The following LHFPL3 variants were observed in gnomAD, a reference collection of about 807,000 sequenced individuals.
LHFPL3 encodes LHFPL tetraspan subfamily member 3 protein.
A neutral mutation model predicts 19.3 loss-of-function variants in LHFPL3; 5 were observed. That is an observed-to-expected ratio of 0.26 (90% CI 0.14 to 0.54). The LOEUF is 0.54. Ranked by LOEUF, LHFPL3 falls within the 20% of genes least tolerant of loss-of-function variation. The pLI is 0.94. For missense variants in LHFPL3, 249 were observed against 307.4 expected, an observed-to-expected ratio of 0.81 and a Z score of 1.42; for synonymous variants, 133 against 126.2, an observed-to-expected ratio of 1.05 and a Z score of -0.36.
At chr7:104,379,337 G>C (rs1250903883) in intron 1 of LHFPL3, among the ~76,000 whole-genome samples, 2 of 152,178 alleles carry the variant, frequency 1.3e-5, no homozygotes, top group East Asian at 3.9e-4. Context: ...GCACAGATCA[G>C]CCTGAGCCAG....
chr7:104,683,811 G>T (rs998097813), intron 1 of LHFPL3, among the ~76,000 whole-genome samples: 1 of 152,156 alleles, frequency 6.6e-6, no homozygotes, highest in Non-Finnish European at 1.5e-5. Flanking sequence ...ATTGACATTT[G>T]TACAATATTT....
chr7:104,868,660 T>C (rs1421313307), intron 2 of LHFPL3, among the ~76,000 whole-genome samples: 1 of 152,126 alleles, frequency 6.6e-6, no homozygotes, highest in Non-Finnish European at 1.5e-5. Flanking sequence ...CCAAGGTAAT[T>C]TATAGATTCA....
At position 104,418,180 on chromosome 7, in the gene LHFPL3, C is replaced by T. The variant is rs117222498; in HGVS notation, c.445+88956C>T. ...TGTGAGCCATGGCACCCGGCTGTTA[C>T]TGGCATTTTCTATTGTTGTTCTTAA... On this transcript the variant is annotated intron_variant, in intron 1 of 2. Coordinates refer to ENST00000424859, the MANE Select transcript of LHFPL3 (RefSeq NM_199000.3). Among the ~76,000 whole-genome samples the T allele has an allele frequency of 8.6e-3, 1,314 of 152,218 alleles. 77 individuals carry two copies. In the East Asian group the frequency reaches 0.16, roughly 19 times the overall value.
intron 1 of LHFPL3, among the ~76,000 whole-genome samples, chr7:104,340,520 C>G (rs2116365110): frequency 6.6e-6 from 1 of 152,238 alleles, no homozygotes; most frequent in East Asian, 1.9e-4. Context: ...ACTATTCCTA[C>G]TACTACTAAA....
chr7:104,488,722 G>A (rs181374061), intron 1 of LHFPL3, among the ~76,000 whole-genome samples: 1 of 152,320 alleles, frequency 6.6e-6, no homozygotes, highest in Admixed American at 6.5e-5. Flanking sequence ...CAGACTGCAA[G>A]CGTAGTTGAG....
intron 1 of LHFPL3, among the ~76,000 whole-genome samples, chr7:104,624,169 A>G (rs1013654702): frequency 2.0e-5 from 3 of 152,200 alleles, no homozygotes; most frequent in African/African-American, 7.2e-5. Flanking sequence ...CTGCTGGATC[A>G]CTTCTAATTT....
At chr7:104,688,588 C>T (rs1196657730) in intron 1 of LHFPL3, among the ~76,000 whole-genome samples, 2 of 152,104 alleles carry the variant, frequency 1.3e-5, no homozygotes, top group African/African-American at 4.8e-5. Flanking sequence ...TGGCAATATC[C>T]CTTCCCCACC....
intron 1 of LHFPL3, among the ~76,000 whole-genome samples, chr7:104,362,276 G>A (rs1790401202): frequency 6.6e-6 from 1 of 152,168 alleles, no homozygotes; most frequent in Admixed American, 6.5e-5. Flanking sequence ...GGCTCTATCT[G>A]CTGGGGACCC....
intron 1 of LHFPL3, among the ~76,000 whole-genome samples, chr7:104,338,243 C>T (rs535977492): frequency 2.6e-5 from 4 of 151,810 alleles, no homozygotes; most frequent in Middle Eastern, 6.8e-3. Flanking sequence ...GGACTACAGG[C>T]GCCCGCCACC....
At chr7:104,351,466 T>C (rs1254783725) in intron 1 of LHFPL3, among the ~76,000 whole-genome samples, 1 of 152,146 alleles carries the variant, frequency 6.6e-6, no homozygotes, top group Non-Finnish European at 1.5e-5. Context: ...GTTTGAAAAG[T>C]TTTTCTACTT....
At chr7:104,617,514 C>T (rs1419196464) in intron 1 of LHFPL3, among the ~76,000 whole-genome samples, 2 of 152,142 alleles carry the variant, frequency 1.3e-5, no homozygotes, top group Non-Finnish European at 2.9e-5. Flanking sequence ...CGCTAGATGA[C>T]TTATATTTAC....
intron 1 of LHFPL3, among the ~76,000 whole-genome samples, chr7:104,617,358 A>T (rs930616568): frequency 6.6e-6 from 1 of 152,160 alleles, no homozygotes; most frequent in African/African-American, 2.4e-5. Context: ...CACAAGATAA[A>T]GTCTTTCATA....
chr7:104,772,344 T>G (rs1794568568), intron 2 of LHFPL3, among the ~76,000 whole-genome samples: 1 of 152,210 alleles, frequency 6.6e-6, no homozygotes, highest in African/African-American at 2.4e-5. Flanking sequence ...GCTCAGTGAT[T>G]ATTAGAACCC....
At chr7:104,480,356 A>G (rs1281899213) in intron 1 of LHFPL3, among the ~76,000 whole-genome samples, 1 of 152,102 alleles carries the variant, frequency 6.6e-6, no homozygotes, top group Non-Finnish European at 1.5e-5. Flanking sequence ...CCAGATTTCC[A>G]GAAGACAGAA....
At chr7:104,633,516 C>T (rs1314952125) in intron 1 of LHFPL3, among the ~76,000 whole-genome samples, 1 of 152,176 alleles carries the variant, frequency 6.6e-6, no homozygotes, top group African/African-American at 2.4e-5. Context: ...CTGAATGTTA[C>T]AGCCATAATG....
chr7:104,553,399 C>T (rs1186433229), intron 1 of LHFPL3, among the ~76,000 whole-genome samples: 1 of 152,142 alleles, frequency 6.6e-6, no homozygotes, highest in East Asian at 1.9e-4. Flanking sequence ...AAGAGTCTAA[C>T]ATCCTCAACC....
At chr7:104,628,133 G>A (rs1256486076) in intron 1 of LHFPL3, among the ~76,000 whole-genome samples, 1 of 152,110 alleles carries the variant, frequency 6.6e-6, no homozygotes, top group African/African-American at 2.4e-5. Flanking sequence ...TGAGGTATGT[G>A]GCAATGACAG....
intron 1 of LHFPL3, among the ~76,000 whole-genome samples, chr7:104,707,969 A>C (rs144278142): frequency 9.2e-5 from 14 of 152,258 alleles, no homozygotes; most frequent in African/African-American, 2.9e-4. Flanking sequence ...AAAGAGGTAC[A>C]TCAGAGAGGC....
intron 1 of LHFPL3, among the ~76,000 whole-genome samples, chr7:104,475,149 G>A (rs915691681): frequency 2.0e-5 from 3 of 152,176 alleles, no homozygotes; most frequent in African/African-American, 4.8e-5. Flanking sequence ...TAAGTTCTTA[G>A]TACAGGTGGT....
Sources: allele counts gnomAD v4.1 joint callset (sites outside exome capture counted in the v4.1 genomes callset), GRCh38; gene constraint gnomAD v4.1.1; transcripts MANE v1.5; gene names NCBI Gene and HGNC (gene_info 2026-07-23, HGNC 2026-07-21).